Variants in GPBP1L1 observed in about 807,000 individuals in gnomAD.
GPBP1L1 encodes the protein GC-rich promoter binding protein 1 like 1.
GPBP1L1 carries 23 observed loss-of-function variants against 52.5 expected under a neutral mutation model. That is an observed-to-expected ratio of 0.44 (90% CI 0.32 to 0.62). GPBP1L1 has a LOEUF of 0.62. GPBP1L1 is among the 20% of genes least tolerant of loss of function. The pLI, the probability that GPBP1L1 is intolerant of heterozygous loss-of-function variation, is 0.06. For synonymous variants in GPBP1L1, 243 were observed against 203.1 expected (o/e 1.20, Z -1.67); for missense variants, 596 against 579.3 (o/e 1.03, Z -0.30).
intron 4 of GPBP1L1, among the ~76,000 whole-genome samples, chr1:45,657,341 C>T (rs375802976): frequency 6.6e-6 from 1 of 151,936 alleles, no homozygotes; most frequent in African/African-American, 2.4e-5. Flanking sequence ...CAAGACCAGC[C>T]GGGTAACATG....
chr1:45,676,254 G>A (rs990029248), intron 2 of GPBP1L1, among the ~76,000 whole-genome samples: 1 of 152,054 alleles, frequency 6.6e-6, no homozygotes, highest in South Asian at 2.1e-4. Context: ...AACCAAAAGG[G>A]GACATAAGAT....
intron 2 of GPBP1L1, among the ~76,000 whole-genome samples, chr1:45,677,195 G>A (rs1377392208): frequency 4.6e-5 from 7 of 151,942 alleles, no homozygotes; most frequent in Admixed American, 2.0e-4. Flanking sequence ...AATTAGCCAC[G>A]CATGGTGGCG....
intron 2 of GPBP1L1, among the ~76,000 whole-genome samples, chr1:45,665,087 G>C (rs1337166603): frequency 1.3e-5 from 2 of 151,890 alleles, no homozygotes; most frequent in Non-Finnish European, 2.9e-5. Context: ...TCAGGAGTTC[G>C]AGACCAGCCT....
At chr1:45,674,290 A>G (rs1218189619) in intron 2 of GPBP1L1, among the ~76,000 whole-genome samples, 1 of 152,248 alleles carries the variant, frequency 6.6e-6, no homozygotes, top group East Asian at 1.9e-4. Context: ...GATAAGTAGA[A>G]GATTAAAAAT....
At chr1:45,638,612 CCAAT>C (rs891496092) in intron 8 of GPBP1L1, among the ~76,000 whole-genome samples, 22 of 152,246 alleles carry the variant, frequency 1.4e-4, no homozygotes, top group African/African-American at 4.8e-4. Context: ...CTTGAAAACT[CCAAT>C]CATTATCACT....
chr1:45,675,003 T>C (rs556245756), intron 2 of GPBP1L1, among the ~76,000 whole-genome samples: 1 of 152,306 alleles, frequency 6.6e-6, no homozygotes, highest in East Asian at 1.9e-4. Context: ...CATTATCTCA[T>C]CAATTTTCAA....
intron 2 of GPBP1L1, among the ~76,000 whole-genome samples, chr1:45,678,457 CTT>C (rs1248695286): frequency 2.0e-5 from 3 of 152,110 alleles, no homozygotes; most frequent in Non-Finnish European, 4.4e-5. Flanking sequence ...AAGAACCAAT[CTT>C]AGCATTACAA....
chr1:45,682,706 A>C (rs1645225642), intron 2 of GPBP1L1, among the ~76,000 whole-genome samples: 1 of 152,218 alleles, frequency 6.6e-6, no homozygotes, highest in South Asian at 2.1e-4. Context: ...AAGAAAAATA[A>C]TAGGCTCTTT....
intron 7 of GPBP1L1, among the ~76,000 whole-genome samples, chr1:45,641,294 T>C (rs2148440256): frequency 6.6e-6 from 1 of 152,222 alleles, no homozygotes; most frequent in East Asian, 1.9e-4. Context: ...GAGTCCAATT[T>C]GTAAATGCCA....
In GPBP1L1 at chr1:45,660,260, A is replaced by G; in HGVS notation, c.-132T>C. ...GATCTCCCACAAGGTTTCCTTGTTA[A>G]AAGGGTGCTTAAGTAACCTGGCCGG... On this transcript the variant is annotated 5_prime_UTR_variant, in exon 3 of 13. Coordinates refer to ENST00000355105, the MANE Select transcript of GPBP1L1 (RefSeq NM_021639.5). The G allele has an allele frequency of 1.0e-6, 1 of 985,328 alleles. No individual in the cohort carries two copies. The highest frequency in any genetic ancestry group is 1.2e-6 in the Non-Finnish European group (1 of 829,924). 61.0% of individuals were successfully genotyped at this position (985,328 alleles called of 1,614,324 possible). A position where few individuals can be genotyped will look rare whatever the true frequency, so the allele number is the denominator to read the frequency against.
chr1:45,645,897 C>T (rs1370031815), intron 6 of GPBP1L1: 1 of 500,402 alleles, frequency 2.0e-6, no homozygotes, highest in African/African-American at 2.0e-5. Context: ...CTAAGGCTGT[C>T]AATATGACGA....
intron 6 of GPBP1L1, among the ~76,000 whole-genome samples, chr1:45,644,277 G>A (rs533443535): frequency 1.3e-5 from 2 of 152,272 alleles, no homozygotes; most frequent in Non-Finnish European, 2.9e-5. Context: ...TTGTTTCCTT[G>A]TTTCATTTTA....
intron 6 of GPBP1L1, among the ~76,000 whole-genome samples, chr1:45,648,471 T>C (rs1225474965): frequency 2.0e-5 from 3 of 152,192 alleles, no homozygotes; most frequent in Admixed American, 1.3e-4. Flanking sequence ...GCTGCTCTTC[T>C]CAAATATGCC....
At chr1:45,655,960 G>A (rs1411071884) in intron 4 of GPBP1L1, 2 of 152,374 alleles carry the variant, frequency 1.3e-5, no homozygotes, top group African/African-American at 2.4e-5. Context: ...TTGTAGAGAT[G>A]GGGGTCTCAC....
chr1:45,643,658 C>CTTTTTTTTTTT (rs113388167), intron 6 of GPBP1L1, among the ~76,000 whole-genome samples: 5 of 65,144 alleles, frequency 7.7e-5, no homozygotes, highest in African/African-American at 2.6e-4. Context: ...AGGAGAATGG[C>CTTTTTTTTTTT]TTTTTTTTTT....
intron 2 of GPBP1L1, among the ~76,000 whole-genome samples, chr1:45,674,494 T>C (rs1253734454): frequency 6.6e-6 from 1 of 152,226 alleles, no homozygotes; most frequent in African/African-American, 2.4e-5. Context: ...ACCCTGTGAT[T>C]ACAGATGGTC....
chr1:45,681,002 C>G (rs1445999297), intron 2 of GPBP1L1, among the ~76,000 whole-genome samples: 1 of 151,762 alleles, frequency 6.6e-6, no homozygotes, highest in Non-Finnish European at 1.5e-5. Context: ...ACTGAAAACC[C>G]ATGATACTTG....
At chr1:45,663,853 T>C (rs1471282153) in intron 2 of GPBP1L1, among the ~76,000 whole-genome samples, 1 of 152,212 alleles carries the variant, frequency 6.6e-6, no homozygotes, top group East Asian at 1.9e-4. Flanking sequence ...GTGATGTCTT[T>C]TAGGGCTGTG....
At chr1:45,685,844 T>C (rs1645274461) in intron 1 of GPBP1L1, among the ~76,000 whole-genome samples, 1 of 152,130 alleles carries the variant, frequency 6.6e-6, no homozygotes, top group African/African-American at 2.4e-5. Flanking sequence ...ATCGACCAGC[T>C]TTCCCTGCCC....
Sources: gnomAD v4.1 joint callset for allele counts (sites outside exome capture counted in the v4.1 genomes callset) on GRCh38, gnomAD v4.1.1 for gene constraint, MANE v1.5 for transcripts, NCBI Gene and HGNC (gene_info 2026-07-23, HGNC 2026-07-21) for gene names.